CDH1: variants seen among roughly 807,000 people sequenced by gnomAD.
The protein encoded by CDH1 is cadherin-1.
CDH1 carries 35 observed loss-of-function variants against 84.5 expected under a neutral mutation model. That is an observed-to-expected ratio of 0.41 (90% CI 0.32 to 0.55). CDH1 has a LOEUF of 0.55. Ranked by LOEUF, CDH1 falls within the 20% of genes least tolerant of loss-of-function variation. CDH1 has a pLI of 0.19. For synonymous variants in CDH1, 417 were observed against 439.0 expected, an observed-to-expected ratio of 0.95 and a Z score of 0.63; for missense variants, 994 against 1,126.6, an observed-to-expected ratio of 0.88 and a Z score of 1.68.
intron 14 of CDH1, 116 bp from the exon 15 acceptor site, chr16:68,829,538 C>A: frequency 9.8e-7 from 1 of 1,015,724 alleles, no homozygotes; most frequent in South Asian, 1.4e-5. Flanking sequence ...TGGTAAAGAT[C>A]ATACAGTTGG....
At chr16:68,749,094 C>G (rs1389082358) in intron 2 of CDH1, among the ~76,000 whole-genome samples, 1 of 152,196 alleles carries the variant, frequency 6.6e-6, no homozygotes, top group Admixed American at 6.5e-5. Context: ...GCCTTGGCCT[C>G]CCAAAGTGCT....
Position 68,819,369 on chromosome 16 carries a change from A to G in CDH1, c.1655A>G (p.Asp552Gly), listed in dbSNP as rs1596960544. The change falls in exon 11 of 16, where the codon GAT becomes GGT. Residue 552 changes from aspartate (D) to glycine (G), a missense_variant. Transcript: ENST00000261769. ...ACTCGGGCTGAGCTGGACAGGGAGG[A>G]TTTTGAGCACGTGAAGAACAGCACG... The part of the protein sequence containing the change: ...ISTRAELDRE[D>G]FEHVKNSTYT... 6.2e-7 allele frequency: 1 copy of G among 1,613,972 alleles called. No homozygotes were observed. The highest frequency in any genetic ancestry group is 8.5e-7 in the Non-Finnish European group (1 of 1,180,010).
At chr16:68,743,982 C>T (rs760439873) in intron 2 of CDH1, among the ~76,000 whole-genome samples, 13 of 152,056 alleles carry the variant, frequency 8.5e-5, no homozygotes, top group East Asian at 5.8e-4. Context: ...CCTGAGGTTA[C>T]GGCAGATTGG....
rs200104963 is a variant in CDH1 at position 68,833,494 on chromosome 16, G to T, written c.2644G>T (p.Asp882Tyr). 1 of 1,613,144 alleles carries T rather than the reference G, an allele frequency of 6.2e-7. No individual in the cohort carries two copies. The highest frequency in any genetic ancestry group is 1.1e-5 in the South Asian group (1 of 91,014). ...LADMYGGGEDD is the reference protein window; with the variant it reads ...LADMYGGGEDY ...TGACATGTACGGAGGCGGCGAGGAC[G>T]ACTAGGGGACTCGAGAGAGGCGGGC... The change falls in exon 16 of 16, where the codon GAC becomes TAC. Residue 882 changes from aspartate to tyrosine, a missense_variant. Transcript: ENST00000261769.
intron 3 of CDH1, among the ~76,000 whole-genome samples, chr16:68,807,500 C>A (rs943309259): frequency 1.3e-5 from 2 of 151,810 alleles, no homozygotes; most frequent in Non-Finnish European, 2.9e-5. Context: ...CAAGACCCTG[C>A]CTCTAAAAAA....
chr16:68,748,851 T>C (rs1418765976), intron 2 of CDH1, among the ~76,000 whole-genome samples: 1 of 152,246 alleles, frequency 6.6e-6, no homozygotes, highest in African/African-American at 2.4e-5. Flanking sequence ...TTTTTGTTTT[T>C]GTTTTGAGAC....
At chr16:68,747,012 A>C (rs1962762553) in intron 2 of CDH1, among the ~76,000 whole-genome samples, 1 of 152,132 alleles carries the variant, frequency 6.6e-6, no homozygotes, top group African/African-American at 2.4e-5. Context: ...GGACCCAGAG[A>C]AGTATCCAGT....
At chr16:68,778,982 C>T (rs1323316354) in intron 2 of CDH1, among the ~76,000 whole-genome samples, 3 of 152,114 alleles carry the variant, frequency 2.0e-5, no homozygotes, top group Non-Finnish European at 2.9e-5. Flanking sequence ...ATTATTTAAG[C>T]AAATTAAGGC....
chr16:68,741,964 C>T (rs1004970814), intron 2 of CDH1, among the ~76,000 whole-genome samples: 2 of 152,186 alleles, frequency 1.3e-5, no homozygotes, highest in African/African-American at 4.8e-5. Flanking sequence ...AGTCACCATG[C>T]CTGGCTAATA....
intron 10 of CDH1, among the ~76,000 whole-genome samples, chr16:68,818,860 AAAAAAAAAAAG>A (rs1961058118): frequency 6.6e-6 from 1 of 150,604 alleles, no homozygotes; most frequent in South Asian, 2.1e-4. Flanking sequence ...AAAAAAAAAA[AAAAAAAAAAAG>A]AAAGAAAGGG....
At chr16:68,809,294 C>T (rs757287041) in intron 5 of CDH1, among the ~76,000 whole-genome samples, 15 of 151,394 alleles carry the variant, frequency 9.9e-5, no homozygotes, top group Non-Finnish European at 1.6e-4. Flanking sequence ...CTCCACTTCC[C>T]GGGTTCAAGT....
At chr16:68,819,517 C>CT (rs1235548530) in intron 11 of CDH1, 92 bp downstream of exon 11, 10 of 1,335,532 alleles carry the variant, frequency 7.5e-6, no homozygotes, top group Admixed American at 1.7e-5. Flanking sequence ...AGAGTTCATT[C>CT]TTTTTCTTTT....
intron 2 of CDH1, among the ~76,000 whole-genome samples, chr16:68,760,352 A>G (rs1032832863): frequency 1.5e-4 from 21 of 142,488 alleles, no homozygotes; most frequent in Non-Finnish European, 4.5e-5. Flanking sequence ...TGACCCCATG[A>G]TCCTCCCCCA....
At chr16:68,779,943 T>C (rs1433180741) in intron 2 of CDH1, among the ~76,000 whole-genome samples, 1 of 152,148 alleles carries the variant, frequency 6.6e-6, no homozygotes, top group Non-Finnish European at 1.5e-5. Flanking sequence ...AACCCTCTCA[T>C]CTGCAGATAA....
At position 68,815,634 on chromosome 16, in the gene CDH1, G is replaced by C. The variant is rs756517599; in HGVS notation, c.1440G>C (p.Val480=). Reference sequence around the variant, plus strand: ...CCGTCACCGTGGATGTGCTGGATGTGAATGAAGCCCCCATCTTTGTGCCTC... The same window carrying C: ...CCGTCACCGTGGATGTGCTGGATGTCAATGAAGCCCCCATCTTTGTGCCTC... ...TATVTVDVLD[V]NEAPIFVPPE... is the part of the protein sequence containing the mutation. Residue 480 remains valine, a synonymous_variant, in exon 10 of 16, where the codon GTG becomes GTC. Coordinates refer to ENST00000261769, the MANE Select transcript of CDH1 (RefSeq NM_004360.5). 6.2e-7 allele frequency: 1 copy of C among 1,614,206 alleles called. No homozygotes were observed. The highest frequency in any genetic ancestry group is 8.5e-7 in the Non-Finnish European group (1 of 1,180,044).
intron 2 of CDH1, among the ~76,000 whole-genome samples, chr16:68,784,806 CT>C (rs34946816): frequency 0.29 from 42,418 of 146,194 alleles, 6,025 homozygotes; most frequent in Middle Eastern, 0.33. Context: ...CAGTTCCATT[CT>C]TTTTTTTTTT....
rs150795245 is a variant in CDH1 at position 68,813,377 on chromosome 16, C to A, written c.1202C>A (p.Ala401Asp). 1.2e-6 allele frequency: 2 copies of A among 1,614,036 alleles called. No homozygotes were observed. Among genetic ancestry groups the A allele is most frequent in the African/African-American group, 2.7e-5 (2 of 74,928 alleles). ...VVITTLKVTDADAPNTPAWEA... is the reference protein window; with the variant it reads ...VVITTLKVTDDDAPNTPAWEA... The stretch of plus-strand genomic sequence containing the variant: ...ATCACCACACTGAAAGTGACTGATG[C>A]TGATGCCCCCAATACCCCAGCGTGG... The change falls in exon 9 of 16, where the codon GCT (alanine) becomes GAT (aspartate). Residue 401 changes from alanine to aspartate, a missense_variant. Around this residue, in one of 3 missense-constraint regions of CDH1, gnomAD observed 769 missense variants for 881.8 expected, o/e 0.87. Coordinates refer to ENST00000261769, the MANE Select transcript of CDH1 (RefSeq NM_004360.5).
At chr16:68,790,039 A>G (rs1212262177) in intron 2 of CDH1, among the ~76,000 whole-genome samples, 1 of 152,200 alleles carries the variant, frequency 6.6e-6, no homozygotes, top group Non-Finnish European at 1.5e-5. Flanking sequence ...CTGGGCAACA[A>G]GAGCAAAACT....
chr16:68,747,453 G>A (rs926090286), intron 2 of CDH1, among the ~76,000 whole-genome samples: 1 of 152,066 alleles, frequency 6.6e-6, no homozygotes, highest in Admixed American at 6.6e-5. Flanking sequence ...TAAAAAATAA[G>A]TTTAAATATA....
Sources: gnomAD v4.1 joint callset for allele counts (sites outside exome capture counted in the v4.1 genomes callset) on GRCh38, gnomAD v4.1.1 for gene constraint, gnomAD v4.1.1 regional missense constraint, MANE v1.5 for transcripts, NCBI Gene and HGNC (gene_info 2026-07-23, HGNC 2026-07-21) for gene names.